C16orf87: variants seen among roughly 807,000 people sequenced by gnomAD.
C16orf87 encodes HDAC and MIER1 interacting protein 1.
Under a neutral mutation model 21.0 loss-of-function variants are expected in C16orf87, and 13 were observed. The observed-to-expected ratio is 0.62, with a 90% CI of 0.40 to 0.98. The LOEUF is 0.98. C16orf87 is among the 50% of genes least tolerant of loss of function. C16orf87 has a pLI of 0.00. For synonymous variants in C16orf87, 49 were observed against 60.2 expected (o/e 0.81, Z 0.86); for missense variants, 113 against 180.4 (o/e 0.63, Z 2.14).
chr16:46,803,364 A>ATT (rs1269693277), intron 3 of C16orf87, among the ~76,000 whole-genome samples: 2 of 152,156 alleles, frequency 1.3e-5, no homozygotes, highest in Non-Finnish European at 2.9e-5. Context: ...ATCAAAATGA[A>ATT]TTTTCTCTGC....
intron 1 of C16orf87, chr16:46,830,799 C>G (rs1189553509): frequency 3.3e-6 from 1 of 298,718 alleles, no homozygotes; most frequent in African/African-American, 2.2e-5. Flanking sequence ...TCCAGACAGC[C>G]GCCCGGTGAG....
intron 1 of C16orf87, among the ~76,000 whole-genome samples, chr16:46,827,215 T>C (rs1244181663): frequency 6.6e-6 from 1 of 152,124 alleles, no homozygotes; most frequent in Non-Finnish European, 1.5e-5. Context: ...AAATAAAAAG[T>C]TCCTTCCCCA....
At chr16:46,804,292 G>T (rs970379969) in intron 3 of C16orf87, among the ~76,000 whole-genome samples, 3 of 152,168 alleles carry the variant, frequency 2.0e-5, no homozygotes, top group Non-Finnish European at 4.4e-5. Flanking sequence ...TCTTTCATCA[G>T]CATCATGCTG....
chr16:46,798,326 G>A lies in C16orf87; in HGVS notation c.*4626C>T, dbSNP rs1471364560. The A allele has an allele frequency of 6.6e-6, 1 of 152,320 alleles. No individual in the cohort carries two copies. The highest frequency in any genetic ancestry group is 2.4e-5 in the African/African-American group (1 of 41,474). The allele number at this position is 152,320 out of a possible 1,614,324, so 9.4% of individuals were successfully genotyped here. On this transcript the variant is annotated 3_prime_UTR_variant, in exon 4 of 4. Transcript: ENST00000285697. ...AGTTCGAGACCAGCTTGGCCAACATGGTGAAACTCCATCTCTACTAAAAAT... is the reference window on the plus strand; with the variant it reads ...AGTTCGAGACCAGCTTGGCCAACATAGTGAAACTCCATCTCTACTAAAAAT...
At chr16:46,814,615 A>T (rs1034282713) in intron 2 of C16orf87, among the ~76,000 whole-genome samples, 7 of 152,202 alleles carry the variant, frequency 4.6e-5, no homozygotes, top group African/African-American at 1.7e-4. Context: ...CAGACGTTTA[A>T]AACAGTGTAG....
At chr16:46,823,279 A>C (rs191467204) in intron 2 of C16orf87, among the ~76,000 whole-genome samples, 1 of 152,316 alleles carries the variant, frequency 6.6e-6, no homozygotes, top group East Asian at 1.9e-4. Flanking sequence ...TATAAGCTCC[A>C]TGACACCAGT....
chr16:46,820,700 T>C, intron 2 of C16orf87, among the ~76,000 whole-genome samples: 1 of 152,198 alleles, frequency 6.6e-6, no homozygotes, highest in Non-Finnish European at 1.5e-5. Context: ...TTAGGCTCTC[T>C]AGGCTACCTA....
intron 2 of C16orf87, among the ~76,000 whole-genome samples, chr16:46,821,065 G>C (rs1214885855): frequency 6.6e-6 from 1 of 152,144 alleles, no homozygotes; most frequent in Non-Finnish European, 1.5e-5. Context: ...AAATTGTAGT[G>C]ACCTTAAACT....
chr16:46,805,834 A>G lies in C16orf87; in HGVS notation c.347-2764T>C, dbSNP rs146750081. On this transcript the variant is annotated intron_variant, in intron 3 of 3. Transcript: ENST00000285697. ...CTTGGGTCCTTCGGATTCTCTAGAGAAGATATGTTCAAACTTTTTTACTTT... is the reference window on the plus strand; with the variant it reads ...CTTGGGTCCTTCGGATTCTCTAGAGGAGATATGTTCAAACTTTTTTACTTT... Among the ~76,000 whole-genome samples the G allele has an allele frequency of 3.9e-5, 6 of 152,302 alleles. No homozygotes were observed. The East Asian group carries it at 1.2e-3, about 29-fold the overall frequency.
Position 46,798,046 on chromosome 16 carries a change from G to C in C16orf87, c.*4906C>G, listed in dbSNP as rs541316861. On this transcript the variant is annotated 3_prime_UTR_variant, in exon 4 of 4. Coordinates refer to ENST00000285697, the MANE Select transcript of C16orf87 (RefSeq NM_001001436.4). ...CACAAAAAGCCTTCTGATCAGTGTT[G>C]AATTAAATAAATAAATAAATAAATA... The C allele has an allele frequency of 1.3e-5, 2 of 151,112 alleles. No individual in the cohort carries two copies. The allele number at this position is 151,112 out of a possible 1,614,324, so 9.4% of individuals were successfully genotyped here.
intron 1 of C16orf87, among the ~76,000 whole-genome samples, 185 bp from the exon 2 acceptor site, chr16:46,824,667 C>CTTTT (rs71134504): frequency 7.3e-6 from 1 of 137,074 alleles, no homozygotes; most frequent in Non-Finnish European, 1.5e-5. Context: ...TATTCACATT[C>CTTTT]TTTTTTTTTT....
chr16:46,828,693 G>T (rs1959725012), intron 1 of C16orf87, among the ~76,000 whole-genome samples: 1 of 152,030 alleles, frequency 6.6e-6, no homozygotes, highest in South Asian at 2.1e-4. Flanking sequence ...CAAATTTAAA[G>T]ATTTTACATT....
chr16:46,825,936 T>G (rs1420658792), intron 1 of C16orf87, among the ~76,000 whole-genome samples: 1 of 150,338 alleles, frequency 6.7e-6, no homozygotes, highest in Non-Finnish European at 1.5e-5. Flanking sequence ...AAAAAAAAAT[T>G]ATTATTAACT....
At chr16:46,803,914 G>A (rs1198284745) in intron 3 of C16orf87, among the ~76,000 whole-genome samples, 2 of 152,046 alleles carry the variant, frequency 1.3e-5, no homozygotes, top group Non-Finnish European at 2.9e-5. Flanking sequence ...GGGAAAATAA[G>A]GGTTACACTG....
At chr16:46,809,094 T>C (rs983340161) in intron 3 of C16orf87, among the ~76,000 whole-genome samples, 2 of 150,980 alleles carry the variant, frequency 1.3e-5, no homozygotes, top group African/African-American at 4.9e-5. Context: ...GCCCAGAAGT[T>C]CAAGACTAGC....
chr16:46,829,129 A>T (rs1466761517), intron 1 of C16orf87, among the ~76,000 whole-genome samples: 1 of 152,156 alleles, frequency 6.6e-6, no homozygotes, highest in Non-Finnish European at 1.5e-5. Flanking sequence ...TGGGGCCCTC[A>T]TGATGTGATT....
intron 2 of C16orf87, among the ~76,000 whole-genome samples, chr16:46,814,104 G>A (rs1968174816): frequency 6.6e-6 from 1 of 152,126 alleles, no homozygotes; most frequent in African/African-American, 2.4e-5. Context: ...ACAAGAAAAA[G>A]GTACTATTAA....
chr16:46,797,772 G>A lies in C16orf87; in HGVS notation c.*5180C>T, dbSNP rs917253743. The A allele has an allele frequency of 6.6e-6, 1 of 152,152 alleles. No homozygotes were observed. The highest frequency in any genetic ancestry group is 2.4e-5 in the African/African-American group (1 of 41,432). The allele number at this position is 152,152 out of a possible 1,614,324, so 9.4% of individuals were successfully genotyped here. ...TTGACTTCTAAGTGAACTGTAAAAA[G>A]TGAAGTATGTTTATAGTAATCCCTA... On this transcript the variant is annotated 3_prime_UTR_variant, in exon 4 of 4. Coordinates refer to ENST00000285697, the MANE Select transcript of C16orf87 (RefSeq NM_001001436.4).
At chr16:46,818,256 C>T (rs942367271) in intron 2 of C16orf87, among the ~76,000 whole-genome samples, 2 of 152,188 alleles carry the variant, frequency 1.3e-5, no homozygotes, top group Non-Finnish European at 2.9e-5. Context: ...ACCACTTATA[C>T]TACTGAATTA....
Sources: allele counts gnomAD v4.1 joint callset (sites outside exome capture counted in the v4.1 genomes callset), GRCh38; gene constraint gnomAD v4.1.1; transcripts MANE v1.5; gene names NCBI Gene and HGNC (gene_info 2026-07-23, HGNC 2026-07-21).